PIP4K2A: variants seen among roughly 807,000 people sequenced by gnomAD.
PIP4K2A encodes the protein phosphatidylinositol-5-phosphate 4-kinase type 2 alpha.
PIP4K2A carries 14 observed loss-of-function variants against 42.9 expected under a neutral mutation model. That is an observed-to-expected ratio of 0.33 (90% CI 0.22 to 0.51). The LOEUF is 0.51. PIP4K2A is among the 20% of genes least tolerant of loss of function. The pLI is 0.97. For missense variants in PIP4K2A, 434 were observed against 519.8 expected, an observed-to-expected ratio of 0.83 and a Z score of 1.61; for synonymous variants, 192 against 192.2, an observed-to-expected ratio of 1.00 and a Z score of 0.01.
chr10:22,584,370 A>T (rs1013229020), intron 4 of PIP4K2A, among the ~76,000 whole-genome samples: 10 of 152,152 alleles, frequency 6.6e-5, no homozygotes, highest in South Asian at 4.1e-4. Context: ...GGACTGGATG[A>T]TATATTTTGA....
At chr10:22,568,903 C>T (rs1836913133) in intron 5 of PIP4K2A, 4 of 769,220 alleles carry the variant, frequency 5.2e-6, no homozygotes, top group Non-Finnish European at 8.7e-6. Context: ...CTGCACTGGA[C>T]ACCCCTAACT....
At chr10:22,600,738 G>A (rs571402217) in intron 3 of PIP4K2A, among the ~76,000 whole-genome samples, 24 of 152,184 alleles carry the variant, frequency 1.6e-4, no homozygotes, top group African/African-American at 5.3e-4. Flanking sequence ...ATATCTGAGC[G>A]AGCACAGATG....
intron 1 of PIP4K2A, among the ~76,000 whole-genome samples, chr10:22,679,058 G>A (rs980028423): frequency 2.0e-5 from 3 of 152,090 alleles, no homozygotes; most frequent in Non-Finnish European, 4.4e-5. Flanking sequence ...TGACACCAAC[G>A]GCAGAAGCAA....
At chr10:22,606,478 T>C (rs1220135706) in intron 3 of PIP4K2A, among the ~76,000 whole-genome samples, 1 of 152,160 alleles carries the variant, frequency 6.6e-6, no homozygotes, top group Non-Finnish European at 1.5e-5. Flanking sequence ...CCCCAGGCCA[T>C]CATGAGACAA....
At chr10:22,707,716 A>G (rs1475716185) in intron 1 of PIP4K2A, among the ~76,000 whole-genome samples, 5 of 152,184 alleles carry the variant, frequency 3.3e-5, no homozygotes, top group Non-Finnish European at 7.4e-5. Context: ...AATTCAGCCT[A>G]TGCGTGTTCC....
At chr10:22,687,271 C>A (rs189641175) in intron 1 of PIP4K2A, among the ~76,000 whole-genome samples, 1 of 152,010 alleles carries the variant, frequency 6.6e-6, no homozygotes, top group East Asian at 1.9e-4. Flanking sequence ...ATACGCCAGG[C>A]ACAGAGAGAA....
At chr10:22,546,406 C>G (rs1352552836) in intron 7 of PIP4K2A, among the ~76,000 whole-genome samples, 1 of 152,108 alleles carries the variant, frequency 6.6e-6, no homozygotes, top group Admixed American at 6.6e-5. Context: ...GGGCTCTCAT[C>G]TTCAAAACGT....
intron 7 of PIP4K2A, among the ~76,000 whole-genome samples, chr10:22,543,874 G>A (rs1375900591): frequency 6.6e-6 from 1 of 152,014 alleles, no homozygotes; most frequent in Non-Finnish European, 1.5e-5. Flanking sequence ...TGGGCACTCC[G>A]GGGTATAGGG....
chr10:22,650,396 C>T lies in PIP4K2A; in HGVS notation c.145-40679G>A, dbSNP rs181989971. Among the ~76,000 whole-genome samples, 8 of 152,272 alleles carry T rather than the reference C, an allele frequency of 5.3e-5. No homozygotes were observed. In the East Asian group the frequency reaches 1.5e-3, roughly 29 times the overall value. ...TCAGCCTCCGGAGTAGCTGGGACTA[C>T]AGGGGCATGACACTACACCCAGCTA... is the stretch of plus-strand genomic sequence containing the variant. On this transcript the variant is annotated intron_variant, in intron 1 of 9. Coordinates refer to ENST00000376573, the MANE Select transcript of PIP4K2A (RefSeq NM_005028.5).
chr10:22,550,842 A>G, intron 6 of PIP4K2A, 70 bp from the exon 7 acceptor site: 1 of 897,930 alleles, frequency 1.1e-6, no homozygotes, highest in African/African-American at 1.7e-5. Flanking sequence ...TACACCTTCC[A>G]ACCCTGGACA....
intron 1 of PIP4K2A, among the ~76,000 whole-genome samples, chr10:22,618,502 C>CT (rs1205373537): frequency 6.6e-6 from 1 of 152,154 alleles, no homozygotes; most frequent in Non-Finnish European, 1.5e-5. Context: ...CAGAAGGGCC[C>CT]TGCAGTTGTG....
At position 22,604,008 on chromosome 10, in the gene PIP4K2A, C is replaced by T. The variant is rs532632849; in HGVS notation, c.339+3919G>A. Among the ~76,000 whole-genome samples the T allele has an allele frequency of 1.6e-4, 13 of 83,074 alleles. No homozygotes were observed. In the East Asian group the frequency reaches 4.4e-3, roughly 28 times the overall value. The allele number at this position is 83,074 out of a possible 152,430, so 54.5% of individuals were successfully genotyped here. ...ACATGCGCGAGCACACACGCGCGCA[C>T]GCACACACACACACACACACACACA... On this transcript the variant is annotated intron_variant, in intron 3 of 9. Coordinates refer to ENST00000376573, the MANE Select transcript of PIP4K2A (RefSeq NM_005028.5).
At chr10:22,593,780 A>G (rs902306404) in intron 3 of PIP4K2A, among the ~76,000 whole-genome samples, 5 of 152,244 alleles carry the variant, frequency 3.3e-5, no homozygotes, top group Non-Finnish European at 7.3e-5. Flanking sequence ...AATCAAGTTT[A>G]TGAAAGCCAG....
chr10:22,554,765 G>A (rs998705333), intron 6 of PIP4K2A, among the ~76,000 whole-genome samples: 5 of 152,184 alleles, frequency 3.3e-5, no homozygotes, highest in African/African-American at 9.7e-5. Context: ...GTACTTGCTG[G>A]GAGGGGACGA....
At chr10:22,594,716 A>G (rs886743262) in intron 3 of PIP4K2A, among the ~76,000 whole-genome samples, 2 of 152,206 alleles carry the variant, frequency 1.3e-5, no homozygotes, top group African/African-American at 4.8e-5. Flanking sequence ...ATGGGTTTAT[A>G]AAGGGCTGGA....
At chr10:22,568,875 C>G in intron 5 of PIP4K2A, 1 of 627,422 alleles carries the variant, frequency 1.6e-6, no homozygotes, top group Non-Finnish European at 2.8e-6. Flanking sequence ...GGCCAATTTC[C>G]TGGGCTCCCT....
rs59971936 is a variant in PIP4K2A at position 22,539,924 on chromosome 10, A to AGG, written c.1140+46_1140+47insCC. 2.1e-3 allele frequency: 2,038 copies of AGG among 949,750 alleles called. 28 individuals carry two copies. In the African/African-American group the frequency reaches 0.033, roughly 15 times the overall value. The allele number at this position is 949,750 out of a possible 1,614,324, so 58.8% of individuals were successfully genotyped here. A position where few individuals can be genotyped will look rare whatever the true frequency, so the allele number is the denominator to read the frequency against. On this transcript the variant is annotated intron_variant, in intron 9 of 9. Coordinates refer to ENST00000376573, the MANE Select transcript of PIP4K2A (RefSeq NM_005028.5). Reference sequence around the variant, plus strand: ...GAGAGAGAGAGAGGGAGAGAGAGAGAGAGAGAGGGAGAGAAAGAGAGAAGG... The same window carrying AGG: ...GAGAGAGAGAGAGGGAGAGAGAGAGAGGGAGAGAGGGAGAGAAAGAGAGAAGG...
In PIP4K2A at chr10:22,664,166, TAC is replaced by T. The variant is rs765288700; in HGVS notation, c.144+50015_144+50016del. The stretch of plus-strand genomic sequence containing the variant: ...ACATATATATACACATATATATATA[TAC>T]ATATATATATATACATATATATACA... On this transcript the variant is annotated intron_variant, in intron 1 of 9. Transcript: ENST00000376573. Among the ~76,000 whole-genome samples the T allele has an allele frequency of 1.5e-3, 101 of 67,262 alleles. 6 individuals are homozygous for T. Among genetic ancestry groups the T allele is most frequent in the Middle Eastern group, 0.013 (2 of 158 alleles). 44.1% of individuals were successfully genotyped at this position (67,262 alleles called of 152,430 possible). A position where few individuals can be genotyped will look rare whatever the true frequency, so the allele number is the denominator to read the frequency against.
At position 22,632,782 on chromosome 10, in the gene PIP4K2A, T is replaced by C. The variant is rs534492136; in HGVS notation, c.145-23065A>G. The stretch of plus-strand genomic sequence containing the variant: ...TATGGGGAAAAAAGGTAGGGGGAAA[T>C]AGGACATAATATATTCTTGACTCTC... On this transcript the variant is annotated intron_variant, in intron 1 of 9. Transcript: ENST00000376573. Among the ~76,000 whole-genome samples the C allele has an allele frequency of 2.5e-4, 38 of 152,270 alleles. 1 individual carries two copies. The South Asian group carries it at 7.9e-3, about 32-fold the overall frequency.
Sources: gnomAD v4.1 joint callset for allele counts (sites outside exome capture counted in the v4.1 genomes callset) on GRCh38, gnomAD v4.1.1 for gene constraint, MANE v1.5 for transcripts, NCBI Gene and HGNC (gene_info 2026-07-23, HGNC 2026-07-21) for gene names.